Variants in PHACTR4 observed in about 807,000 individuals in gnomAD.
PHACTR4 encodes protein phosphatase 1, regulatory subunit 124.
A neutral mutation model predicts 72.7 loss-of-function variants in PHACTR4; 51 were observed. The ratio of observed to expected loss-of-function variants is 0.70; its 90% CI spans 0.56 to 0.89. The LOEUF is 0.89. Among genes scored for constraint, PHACTR4 ranks in the 40% least tolerant of loss-of-function variants. The probability of loss-of-function intolerance (pLI) is 0.00; values close to 1 mark genes in which losing one functional copy is unlikely to be tolerated. For synonymous variants in PHACTR4, 255 were observed against 302.5 expected (o/e 0.84, Z 1.63); for missense variants, 731 against 861.8 (o/e 0.85, Z 1.90).
intron 2 of PHACTR4, among the ~76,000 whole-genome samples, chr1:28,451,389 A>ATT (rs765097635): frequency 2.0e-4 from 29 of 143,658 alleles, no homozygotes; most frequent in African/African-American, 6.1e-4. Context: ...TTGTAGCAGG[A>ATT]TTTTTTTTTT....
At chr1:28,390,998 G>C (rs1450379510) in intron 1 of PHACTR4, among the ~76,000 whole-genome samples, 3 of 151,104 alleles carry the variant, frequency 2.0e-5, no homozygotes. Flanking sequence ...GGGAGGCTGA[G>C]GTGGGAAGAT....
At chr1:28,434,445 C>T (rs1394012693) in intron 2 of PHACTR4, among the ~76,000 whole-genome samples, 1 of 151,996 alleles carries the variant, frequency 6.6e-6, no homozygotes, top group Admixed American at 6.6e-5. Context: ...CCACAGCCTC[C>T]TGAGTAGCTG....
At chr1:28,453,954 G>T (rs1658171782) in intron 2 of PHACTR4, 5 of 603,318 alleles carry the variant, frequency 8.3e-6, no homozygotes, top group South Asian at 2.9e-5. Flanking sequence ...GGTGGCACAC[G>T]CCCGTAATCT....
intron 1 of PHACTR4, among the ~76,000 whole-genome samples, chr1:28,371,483 C>T (rs1651241233): frequency 6.6e-6 from 1 of 152,018 alleles, no homozygotes; most frequent in African/African-American, 2.4e-5. Context: ...TTGGTAGAAA[C>T]AAGGTTTCAC....
chr1:28,438,215 G>A (rs1210573171), intron 2 of PHACTR4: 1 of 1,368,888 alleles, frequency 7.3e-7, no homozygotes, highest in South Asian at 1.7e-5. Context: ...CAGGCTGTAT[G>A]GGAAACAGAA....
rs374104295 is a variant in PHACTR4 at position 28,395,679 on chromosome 1, G to A, written c.-38-11731G>A. 5.2e-4 allele frequency among the ~76,000 whole-genome samples: 71 copies of A among 135,984 alleles called. 1 individual carries two copies. The East Asian group carries it at 0.013, about 26-fold the overall frequency. The allele number at this position is 135,984 out of a possible 152,430, so 89.2% of individuals were successfully genotyped here. ...TTTTGAGTCAGAGTCTCACTCTGTCGCCCAGGCTGGAGTGCAATGGCACCA... is the reference window on the plus strand; with the variant it reads ...TTTTGAGTCAGAGTCTCACTCTGTCACCCAGGCTGGAGTGCAATGGCACCA... On this transcript the variant is annotated intron_variant, in intron 1 of 13. Coordinates refer to ENST00000373839, the MANE Select transcript of PHACTR4 (RefSeq NM_001048183.3).
chr1:28,451,807 AT>A (rs35473752), intron 2 of PHACTR4, among the ~76,000 whole-genome samples: 68 of 146,344 alleles, frequency 4.6e-4, no homozygotes, highest in Non-Finnish European at 4.4e-4. Flanking sequence ...CACTTGGCTA[AT>A]TTTTTTTTTT....
chr1:28,377,270 G>C (rs1651756881), intron 1 of PHACTR4, among the ~76,000 whole-genome samples: 1 of 141,342 alleles, frequency 7.1e-6, no homozygotes, highest in Non-Finnish European at 1.5e-5. Flanking sequence ...CGGGAGTCCT[G>C]CTCTGTCACC....
At chr1:28,404,644 A>G (rs1364447322) in intron 1 of PHACTR4, among the ~76,000 whole-genome samples, 2 of 152,128 alleles carry the variant, frequency 1.3e-5, no homozygotes, top group Admixed American at 6.6e-5. Flanking sequence ...GGTAAACTCT[A>G]TGTTTAACTG....
At chr1:28,386,450 C>T (rs769062301) in intron 1 of PHACTR4, among the ~76,000 whole-genome samples, 2 of 152,080 alleles carry the variant, frequency 1.3e-5, no homozygotes, top group Non-Finnish European at 2.9e-5. Context: ...TCCCTTTCAC[C>T]CACTGCTGTT....
chr1:28,423,711 A>G (rs1297437097), intron 2 of PHACTR4, among the ~76,000 whole-genome samples: 12 of 152,298 alleles, frequency 7.9e-5, no homozygotes, highest in East Asian at 1.9e-4. Context: ...GTTTACTCCT[A>G]TGTGACTCAG....
intron 2 of PHACTR4, among the ~76,000 whole-genome samples, chr1:28,456,782 A>G (rs1658413968): frequency 6.6e-6 from 1 of 151,310 alleles, no homozygotes; most frequent in African/African-American, 2.4e-5. Context: ...TCAGCTACTC[A>G]GGAGGCTGAG....
intron 2 of PHACTR4, among the ~76,000 whole-genome samples, chr1:28,434,980 T>C (rs368319603): frequency 9.2e-5 from 14 of 151,832 alleles, no homozygotes; most frequent in African/African-American, 3.4e-4. Flanking sequence ...TTCTGGGCTG[T>C]GTGTGTGTGT....
intron 2 of PHACTR4, among the ~76,000 whole-genome samples, chr1:28,430,596 G>A (rs1656190617): frequency 6.6e-6 from 1 of 152,178 alleles, no homozygotes; most frequent in African/African-American, 2.4e-5. Context: ...TTCAGAGGTT[G>A]AAAATTAGTC....
rs371735670 is a variant in PHACTR4 at position 28,490,910 on chromosome 1, A to G, written c.1817-41A>G. 2.2e-5 allele frequency: 34 copies of G among 1,577,428 alleles called. No homozygotes were observed. In the African/African-American group the frequency reaches 2.8e-4, roughly 13 times the overall value. On this transcript the variant is annotated intron_variant, in intron 10 of 13. Transcript: ENST00000373839. Reference sequence around the variant, plus strand: ...TAAAACGTTTGATATGCAAATTGTCATTTGTGAGTAATATTCCTTCCTTCT... The same window carrying G: ...TAAAACGTTTGATATGCAAATTGTCGTTTGTGAGTAATATTCCTTCCTTCT...
At chr1:28,432,835 G>C (rs1656365838) in intron 2 of PHACTR4, 1 of 152,162 alleles carries the variant, frequency 6.6e-6, no homozygotes, top group Non-Finnish European at 1.5e-5. Flanking sequence ...CGCATCCTGG[G>C]CTCAAACAAT....
chr1:28,371,698 C>G (rs1273591087), intron 1 of PHACTR4, among the ~76,000 whole-genome samples: 1 of 152,026 alleles, frequency 6.6e-6, no homozygotes, highest in Non-Finnish European at 1.5e-5. Flanking sequence ...TCCTCCTGGG[C>G]TCAAGCCTCT....
intron 2 of PHACTR4, among the ~76,000 whole-genome samples, chr1:28,413,825 AGG>A (rs1654929146): frequency 6.6e-6 from 1 of 152,112 alleles, no homozygotes; most frequent in Admixed American, 6.5e-5. Context: ...GTTAAAAGTG[AGG>A]GACTAAATAG....
At chr1:28,405,888 C>T (rs1390178745) in intron 1 of PHACTR4, among the ~76,000 whole-genome samples, 2 of 150,824 alleles carry the variant, frequency 1.3e-5, no homozygotes, top group Non-Finnish European at 3.0e-5. Context: ...GAAACTCCAT[C>T]TTAAAAAAAA....
Sources: allele counts gnomAD v4.1 joint callset (sites outside exome capture counted in the v4.1 genomes callset), GRCh38; gene constraint gnomAD v4.1.1; transcripts MANE v1.5; gene names NCBI Gene and HGNC (gene_info 2026-07-23, HGNC 2026-07-21).